The following GALNT18 variants were observed in gnomAD, a reference collection of about 807,000 sequenced individuals.
GALNT18 encodes the protein GalNAc-transferase 18.
A neutral mutation model predicts 69.5 loss-of-function variants in GALNT18; 44 were observed. The observed-to-expected ratio is 0.63, with a 90% CI of 0.50 to 0.81. The LOEUF is 0.81. Among genes scored for constraint, GALNT18 ranks in the 40% least tolerant of loss-of-function variants. GALNT18 has a pLI of 0.00. For missense variants in GALNT18, 715 were observed against 810.0 expected, an observed-to-expected ratio of 0.88 and a Z score of 1.42; for synonymous variants, 364 against 318.2, an observed-to-expected ratio of 1.14 and a Z score of -1.53.
chr11:11,349,195 A>G (rs1044712506), intron 6 of GALNT18, among the ~76,000 whole-genome samples: 2 of 152,178 alleles, frequency 1.3e-5, no homozygotes, highest in Non-Finnish European at 2.9e-5. Context: ...TAATTTATTT[A>G]TGCTCTCTTT....
intron 1 of GALNT18, 87 bp from the exon 2 acceptor site, chr11:11,449,023 C>G: frequency 1.7e-6 from 2 of 1,160,336 alleles, no homozygotes; most frequent in Non-Finnish European, 2.4e-6. Flanking sequence ...CACAAACAGC[C>G]TTTGGTAAAA....
chr11:11,288,375 C>G (rs1849233968), intron 10 of GALNT18, among the ~76,000 whole-genome samples: 1 of 152,156 alleles, frequency 6.6e-6, no homozygotes, highest in African/African-American at 2.4e-5. Context: ...GAAACTGTCT[C>G]TACAACCTTT....
chr11:11,362,583 C>G (rs1850668171), intron 6 of GALNT18, among the ~76,000 whole-genome samples: 1 of 152,106 alleles, frequency 6.6e-6, no homozygotes, highest in South Asian at 2.1e-4. Context: ...ATATGAAAAT[C>G]TCTTCAACCT....
chr11:11,317,209 C>G (rs758621138), intron 9 of GALNT18, among the ~76,000 whole-genome samples: 1 of 152,212 alleles, frequency 6.6e-6, no homozygotes, highest in Admixed American at 6.5e-5. Flanking sequence ...TTTCTCCTAT[C>G]CAAGGCCTTC....
rs748956598 is a variant in GALNT18, at chr11:11,448,841, G to A, written c.331C>T (p.Arg111Cys). The A allele has an allele frequency of 3.7e-6, 6 of 1,611,738 alleles. No individual in the cohort carries two copies. Among genetic ancestry groups the A allele is most frequent in the Middle Eastern group, 1.6e-4 (1 of 6,082 alleles). ...WGQELSPEGR[R>C]VALKQFQYYG... ...TACTGGAATTGCTTCAGGGCCACGCGCCGGCCTTCGGGGCTGAGCTCCTGG... is the reference window on the plus strand; with the variant it reads ...TACTGGAATTGCTTCAGGGCCACGCACCGGCCTTCGGGGCTGAGCTCCTGG... Residue 111 changes from arginine (R) to cysteine (C), a missense_variant, in exon 2 of 11, where the codon CGC (arginine) becomes TGC (cysteine). Transcript: ENST00000227756.
intron 6 of GALNT18, among the ~76,000 whole-genome samples, chr11:11,361,649 A>T (rs1292044934): frequency 6.6e-6 from 1 of 152,206 alleles, no homozygotes; most frequent in Non-Finnish European, 1.5e-5. Flanking sequence ...CTTACAGCTT[A>T]TACTCACTGT....
rs1448984527 is a variant in GALNT18 at position 11,587,489 on chromosome 11, C to G, written c.235+33870G>C. 6.6e-6 allele frequency among the ~76,000 whole-genome samples: 1 copy of G among 152,196 alleles called. No individual in the cohort carries two copies. On this transcript the variant is annotated intron_variant, in intron 1 of 10. Transcript: ENST00000227756. The surrounding 1 kb of genome is among the most constrained non-coding windows in gnomAD (Gnocchi z 4.4). ...TAATGAGCAGTGAGCATATCCAAAG[C>G]CTCGATCTAGGAGGAAGCACTCTGG...
Position 11,617,675 on chromosome 11 carries a change from T to G in GALNT18, c.235+3684A>C, listed in dbSNP as rs1275388547. On this transcript the variant is annotated intron_variant, in intron 1 of 10. Transcript: ENST00000227756. The surrounding 1 kb of genome is among the most constrained non-coding windows in gnomAD (Gnocchi z 4.7). ...CATTTTTAAATATTTTCTTAAACAT[T>G]GGCACATTCTTTTCCATATTCAGAA... 6.6e-6 allele frequency among the ~76,000 whole-genome samples: 1 copy of G among 152,222 alleles called. No individual in the cohort carries two copies. Among genetic ancestry groups the G allele is most frequent in the Non-Finnish European group, 1.5e-5 (1 of 68,036 alleles).
rs944712125 is a variant in GALNT18, at chr11:11,542,204, A to G, written c.235+79155T>C. 6.6e-6 allele frequency among the ~76,000 whole-genome samples: 1 copy of G among 152,216 alleles called. No individual in the cohort carries two copies. The highest frequency in any genetic ancestry group is 2.4e-5 in the African/African-American group (1 of 41,462). On this transcript the variant is annotated intron_variant, in intron 1 of 10. Coordinates refer to ENST00000227756, the MANE Select transcript of GALNT18 (RefSeq NM_198516.3). This position sits in a 1 kb window ranked among gnomAD's most constrained non-coding sequence, Gnocchi z 4.3. ...TGCCCAAAGGCTGTGGCTGCGTCTT[A>G]GAAAGCAAAGCAAAACAAAACTGTG...
rs954964766 is a variant in GALNT18 at position 11,620,936 on chromosome 11, G to A, written c.235+423C>T. ...CCGCCGCGCGGGCATCTCGCCTGAC[G>A]CCTACAGTGGCCAAAAAAGCTCGTT... On this transcript the variant is annotated intron_variant, in intron 1 of 10. Coordinates refer to ENST00000227756, the MANE Select transcript of GALNT18 (RefSeq NM_198516.3). This position sits in a 1 kb window ranked among gnomAD's most constrained non-coding sequence, Gnocchi z 6.9. Among the ~76,000 whole-genome samples the A allele has an allele frequency of 8.9e-5, 13 of 145,760 alleles. No individual in the cohort carries two copies. The highest frequency in any genetic ancestry group is 1.7e-4 in the Non-Finnish European group (11 of 66,110).
rs149397883 is a variant in GALNT18 at position 11,583,444 on chromosome 11, C to T, written c.235+37915G>A. On this transcript the variant is annotated intron_variant, in intron 1 of 10. Coordinates refer to ENST00000227756, the MANE Select transcript of GALNT18 (RefSeq NM_198516.3). This position sits in a 1 kb window ranked among gnomAD's most constrained non-coding sequence, Gnocchi z 4.7. Reference sequence around the variant, plus strand: ...ATGAAGAAATGTAGACTATCTGAATCCATAGGTGAAAATAAAATCCACGGG... The same window carrying T: ...ATGAAGAAATGTAGACTATCTGAATTCATAGGTGAAAATAAAATCCACGGG... Among the ~76,000 whole-genome samples the T allele has an allele frequency of 1.1e-4, 17 of 152,278 alleles. No individual in the cohort carries two copies. Among genetic ancestry groups the T allele is most frequent in the African/African-American group, 4.1e-4 (17 of 41,544 alleles).
rs1466597523 is a variant in GALNT18 at position 11,596,349 on chromosome 11, GATT to G, written c.235+25007_235+25009del. On this transcript the variant is annotated intron_variant, in intron 1 of 10. Coordinates refer to ENST00000227756, the MANE Select transcript of GALNT18 (RefSeq NM_198516.3). The surrounding 1 kb of genome is among the most constrained non-coding windows in gnomAD (Gnocchi z 4.2). ...TGTCCATTTTGTTTTTGTTTTTCAA[GATT>G]ATTTGGCTAGCCTGTATACCTTAAA... Among the ~76,000 whole-genome samples, 1 of 152,046 alleles carries G rather than the reference GATT, an allele frequency of 6.6e-6. No individual in the cohort carries two copies. Among genetic ancestry groups the G allele is most frequent in the Non-Finnish European group, 1.5e-5 (1 of 67,970 alleles).
rs1213239584 is a variant in GALNT18 at position 11,595,659 on chromosome 11, G to A, written c.235+25700C>T. Among the ~76,000 whole-genome samples the A allele has an allele frequency of 2.0e-5, 3 of 152,050 alleles. No homozygotes were observed. The highest frequency in any genetic ancestry group is 7.3e-5 in the African/African-American group (3 of 41,374). On this transcript the variant is annotated intron_variant, in intron 1 of 10. Coordinates refer to ENST00000227756, the MANE Select transcript of GALNT18 (RefSeq NM_198516.3). The surrounding 1 kb of genome is among the most constrained non-coding windows in gnomAD (Gnocchi z 5.2). Reference sequence around the variant, plus strand: ...AATTATGTCCAGCATCCTTTCATGTGGTTACTGAACATTTGTATATCTTCT... The same window carrying A: ...AATTATGTCCAGCATCCTTTCATGTAGTTACTGAACATTTGTATATCTTCT...
intron 3 of GALNT18, among the ~76,000 whole-genome samples, chr11:11,397,897 T>C (rs375611744): frequency 5.9e-5 from 9 of 152,212 alleles, no homozygotes; most frequent in African/African-American, 9.6e-5. Flanking sequence ...CTGGGGCCAA[T>C]GGCATACTGT....
At chr11:11,428,997 T>C (rs1158930619) in intron 3 of GALNT18, among the ~76,000 whole-genome samples, 2 of 152,176 alleles carry the variant, frequency 1.3e-5, no homozygotes, top group East Asian at 1.9e-4. Flanking sequence ...ATTGCTCCAG[T>C]TCCTGCCTGA....
chr11:11,485,694 C>A (rs566490560), intron 1 of GALNT18, among the ~76,000 whole-genome samples: 1 of 152,220 alleles, frequency 6.6e-6, no homozygotes, highest in South Asian at 2.1e-4. Flanking sequence ...CAACTGTGGA[C>A]CAGACAGCAA....
intron 3 of GALNT18, among the ~76,000 whole-genome samples, chr11:11,388,824 C>T (rs974711124): frequency 6.6e-6 from 1 of 152,236 alleles, no homozygotes; most frequent in Non-Finnish European, 1.5e-5. Context: ...ATGTGCACCA[C>T]TTAAGAGCCT....
chr11:11,528,343 G>A (rs113572810), intron 1 of GALNT18, among the ~76,000 whole-genome samples: 85 of 152,294 alleles, frequency 5.6e-4, no homozygotes, highest in African/African-American at 1.9e-3. Flanking sequence ...ACTCAAATGC[G>A]GTGTGGAAGA....
At chr11:11,571,877 G>T (rs1027003411) in intron 1 of GALNT18, among the ~76,000 whole-genome samples, 8 of 152,212 alleles carry the variant, frequency 5.3e-5, no homozygotes, top group Non-Finnish European at 8.8e-5. Context: ...GACTGTGAAG[G>T]TGTTTATTCA....
Sources: allele counts gnomAD v4.1 joint callset (sites outside exome capture counted in the v4.1 genomes callset), GRCh38; gene constraint gnomAD v4.1.1; non-coding constraint Gnocchi (gnomAD v3.1); transcripts MANE v1.5; gene names NCBI Gene and HGNC (gene_info 2026-07-23, HGNC 2026-07-21).